KIF24: variants seen among roughly 807,000 people sequenced by gnomAD.
The protein encoded by KIF24 is kinesin family member 24, also known as kinesin-like protein KIF24.
KIF24 carries 81 observed loss-of-function variants against 118.9 expected under a neutral mutation model. The observed-to-expected ratio is 0.68, with a 90% CI of 0.57 to 0.82. The LOEUF (loss-of-function observed/expected upper bound fraction) is 0.82. Among genes scored for constraint, KIF24 ranks in the 40% least tolerant of loss-of-function variants. The pLI, the probability that KIF24 is intolerant of heterozygous loss-of-function variation, is 0.00. For missense variants in KIF24, 1,560 were observed against 1,661.6 expected (o/e 0.94, Z 1.06); for synonymous variants, 599 against 610.0 (o/e 0.98, Z 0.27).
rs1206836174 is a variant in KIF24 at position 34,257,742 on chromosome 9, G to C, written c.1865C>G (p.Ser622Cys). The change falls in exon 11 of 13, where the codon TCT (serine) becomes TGT (cysteine). Residue 622 changes from serine (S) to cysteine (C), a missense_variant. Coordinates refer to ENST00000402558, the MANE Select transcript of KIF24 (RefSeq NM_194313.4). The stretch of plus-strand genomic sequence containing the variant: ...CCTTTTACCAGAGACCTTAGGTGCA[G>C]AAGTAAAAGGAATGTTGGGTGGGTG... ...TSHPPNIPFT[S>C]APKVSGKRGG... The C allele has an allele frequency of 6.2e-7, 1 of 1,613,912 alleles. No homozygotes were observed.
chr9:34,311,746 A>G (rs1837170784), intron 1 of KIF24, among the ~76,000 whole-genome samples: 1 of 143,432 alleles, frequency 7.0e-6, no homozygotes, highest in Non-Finnish European at 1.5e-5. Context: ...ATACATATAT[A>G]CGTATATATG....
intron 2 of KIF24, among the ~76,000 whole-genome samples, chr9:34,307,860 GAAAAAAAAA>G (rs57149308): frequency 1.2e-4 from 14 of 113,996 alleles, no homozygotes; most frequent in South Asian, 5.5e-4. Context: ...GACTCTGTCT[GAAAAAAAAA>G]AAAAAAAAAA....
At chr9:34,313,346 T>G (rs1315205796) in intron 1 of KIF24, among the ~76,000 whole-genome samples, 1 of 151,942 alleles carries the variant, frequency 6.6e-6, no homozygotes, top group Non-Finnish European at 1.5e-5. Context: ...AATATCTGAC[T>G]CACAGAACTC....
intron 6 of KIF24, among the ~76,000 whole-genome samples, chr9:34,278,066 G>A (rs1563944160): frequency 6.6e-6 from 1 of 152,094 alleles, no homozygotes; most frequent in Non-Finnish European, 1.5e-5. Flanking sequence ...CTGAGGTCAG[G>A]AGTTTGACAC....
upstream of KIF24, among the ~76,000 whole-genome samples, chr9:34,331,901 T>G (rs773866064): frequency 2.0e-5 from 3 of 152,158 alleles, no homozygotes; most frequent in Non-Finnish European, 4.4e-5. Context: ...ATGAAACATC[T>G]CTCTGTCCCT....
upstream of KIF24, among the ~76,000 whole-genome samples, chr9:34,330,503 A>T (rs1837880502): frequency 6.8e-6 from 1 of 147,694 alleles, no homozygotes. Flanking sequence ...GTTAGGAGTC[A>T]GGCAGACCTA....
intron 3 of KIF24, among the ~76,000 whole-genome samples, chr9:34,301,997 C>CTTCT (rs1563956285): frequency 0.022 from 3,091 of 137,656 alleles, 97 homozygotes; most frequent in Non-Finnish European, 0.035. Flanking sequence ...ATTTTTTTTT[C>CTTCT]TTTTTTTTTT....
upstream of KIF24, among the ~76,000 whole-genome samples, chr9:34,330,490 G>T (rs1006847733): frequency 2.6e-5 from 4 of 151,680 alleles, no homozygotes; most frequent in Non-Finnish European, 5.9e-5. Flanking sequence ...TAAGATCATT[G>T]ATGTTAGGAG....
chr9:34,296,297 C>T (rs1407934819), intron 4 of KIF24, among the ~76,000 whole-genome samples: 1 of 148,588 alleles, frequency 6.7e-6, no homozygotes, highest in Non-Finnish European at 1.5e-5. Flanking sequence ...GAGGCCGAGG[C>T]GGGCGGATCA....
intron 3 of KIF24, 109 bp downstream of exon 3, chr9:34,306,143 G>C: frequency 5.6e-6 from 4 of 718,712 alleles, no homozygotes; most frequent in African/African-American, 1.8e-5. Flanking sequence ...CCAGAAACTT[G>C]ATTTTCAGTG....
At position 34,257,416 on chromosome 9, in the gene KIF24, C is replaced by T. The variant is rs1834895637; in HGVS notation, c.2191G>A (p.Ala731Thr). 1 of 1,613,946 alleles carries T rather than the reference C, an allele frequency of 6.2e-7. No individual in the cohort carries two copies. The highest frequency in any genetic ancestry group is 8.5e-7 in the Non-Finnish European group (1 of 1,179,910). The change falls in exon 11 of 13, where the codon GCT becomes ACT. Residue 731 changes from alanine (A) to threonine (T), a missense_variant. Coordinates refer to ENST00000402558, the MANE Select transcript of KIF24 (RefSeq NM_194313.4). ...ELSFGNAHHR[A>T]EYSQDSQRGT... is the part of the protein sequence containing the mutation. Reference sequence around the variant, plus strand: ...CTCTGGCTGTCTTGACTGTACTCAGCCCTGTGGTGGGCGTTGCCAAAGGAG... The same window carrying T: ...CTCTGGCTGTCTTGACTGTACTCAGTCCTGTGGTGGGCGTTGCCAAAGGAG...
chr9:34,315,798 G>A (rs933654984), intron 1 of KIF24, among the ~76,000 whole-genome samples: 1 of 152,148 alleles, frequency 6.6e-6, no homozygotes, highest in African/African-American at 2.4e-5. Context: ...GGAGGCCAAG[G>A]CCAGGGGATC....
At chr9:34,316,461 C>A (rs538820892) in intron 1 of KIF24, among the ~76,000 whole-genome samples, 4 of 152,132 alleles carry the variant, frequency 2.6e-5, no homozygotes, top group Admixed American at 6.5e-5. Flanking sequence ...TAATTCTTTA[C>A]GAGTCCCATC....
At chr9:34,313,899 C>A (rs1297366827) in intron 1 of KIF24, among the ~76,000 whole-genome samples, 1 of 150,214 alleles carries the variant, frequency 6.7e-6, no homozygotes, top group African/African-American at 2.4e-5. Flanking sequence ...AGGTGCGCAC[C>A]ACCACATGTG....
chr9:34,321,257 C>A (rs1055152748), intron 1 of KIF24, among the ~76,000 whole-genome samples: 10 of 152,034 alleles, frequency 6.6e-5, no homozygotes, highest in East Asian at 1.9e-4. Flanking sequence ...CAGTAGACTA[C>A]CAAAGTGTTT....
Position 34,259,691 on chromosome 9 carries a change from A to T in KIF24, c.1530T>A (p.Ser510=), listed in dbSNP as rs774204659. Reference sequence around the variant, plus strand: ...TGCAGGTTTTGGCATTGCCGATGAAAGAGTCCTTCAGGACCTGTCCAAAAC... The same window carrying T: ...TGCAGGTTTTGGCATTGCCGATGAATGAGTCCTTCAGGACCTGTCCAAAAC... ...QSKLTQVLKD[S]FIGNAKTCMI... Residue 510 remains serine (S), a synonymous_variant, in exon 10 of 13, where the codon TCT becomes TCA. Coordinates refer to ENST00000402558, the MANE Select transcript of KIF24 (RefSeq NM_194313.4). 3.1e-6 allele frequency: 5 copies of T among 1,613,432 alleles called. No individual in the cohort carries two copies. The highest frequency in any genetic ancestry group is 3.3e-5 in the Admixed American group (2 of 60,000).
intron 6 of KIF24, among the ~76,000 whole-genome samples, chr9:34,285,502 T>C (rs1377176767): frequency 2.0e-5 from 3 of 151,544 alleles, no homozygotes; most frequent in Non-Finnish European, 1.5e-5. Context: ...TGGCAGGGCG[T>C]GGTGGCTCAC....
intron 7 of KIF24, 93 bp downstream of exon 7, chr9:34,271,716 T>C: frequency 1.5e-6 from 2 of 1,371,876 alleles, no homozygotes; most frequent in Non-Finnish European, 1.0e-6. Context: ...AAGAACTCCA[T>C]GGTAGCAGGG....
chr9:34,302,923 C>T (rs1181421321), intron 3 of KIF24, among the ~76,000 whole-genome samples: 1 of 151,922 alleles, frequency 6.6e-6, no homozygotes, highest in Non-Finnish European at 1.5e-5. Flanking sequence ...CTACAGGTGA[C>T]TGCCAACACG....
Sources: allele counts gnomAD v4.1 joint callset (sites outside exome capture counted in the v4.1 genomes callset), GRCh38; gene constraint gnomAD v4.1.1; transcripts MANE v1.5; gene names NCBI Gene and HGNC (gene_info 2026-07-23, HGNC 2026-07-21).